MARCHF6: variants seen among roughly 807,000 people sequenced by gnomAD.
MARCHF6 encodes E3 ubiquitin-protein ligase MARCHF6.
A neutral mutation model predicts 133.7 loss-of-function variants in MARCHF6; 31 were observed. The ratio of observed to expected loss-of-function variants is 0.23; its 90% CI spans 0.17 to 0.31. The LOEUF is 0.31. Ranked by LOEUF, MARCHF6 falls within the 10% of genes least tolerant of loss-of-function variation. MARCHF6 has a pLI of 1.00. For synonymous variants in MARCHF6, 395 were observed against 402.5 expected, an observed-to-expected ratio of 0.98 and a Z score of 0.22; for missense variants, 723 against 1,121.6, an observed-to-expected ratio of 0.64 and a Z score of 5.08.
chr5:10,381,425 C>T (rs1737137283), intron 3 of MARCHF6, among the ~76,000 whole-genome samples: 1 of 152,152 alleles, frequency 6.6e-6, no homozygotes, highest in South Asian at 2.1e-4. Flanking sequence ...TCAGCTTCAT[C>T]TTTTGCTCCT....
chr5:10,405,563 T>C lies in MARCHF6; in HGVS notation c.1338T>C (p.Leu446=), dbSNP rs1454593344. The change falls in exon 16 of 26, where the codon CTT becomes CTC. Residue 446 remains leucine (L), a synonymous_variant. Transcript: ENST00000274140. The part of the protein sequence containing the change: ...ASFILLLREV[L]RPGVLWFLRN... ...TATTTAAAATATATTTGCAGGTACT[T>C]CGACCTGGTGTCCTGTGGTTTCTAA... is the stretch of plus-strand genomic sequence containing the variant. 64 of 1,596,336 alleles carry C rather than the reference T, an allele frequency of 4.0e-5. No homozygotes were observed. Among genetic ancestry groups the C allele is most frequent in the Non-Finnish European group, 5.3e-5 (62 of 1,174,874 alleles).
chr5:10,430,305 G>GTTT (rs576172086), intron 25 of MARCHF6, among the ~76,000 whole-genome samples: 101 of 133,500 alleles, frequency 7.6e-4, no homozygotes, highest in African/African-American at 1.6e-3. Context: ...TTTGGTGGTG[G>GTTT]TTTTTTTTTT....
chr5:10,370,367 T>G (rs956570057), intron 1 of MARCHF6, among the ~76,000 whole-genome samples: 2 of 152,096 alleles, frequency 1.3e-5, no homozygotes, highest in African/African-American at 2.4e-5. Context: ...CCTCCCAAAG[T>G]GCTGGGATTA....
chr5:10,417,380 G>C lies in MARCHF6; in HGVS notation c.2259G>C (p.Gln753His), dbSNP rs1007714001. Residue 753 changes from glutamine (Q) to histidine (H), a missense_variant, in exon 22 of 26, where the codon CAG (glutamine) becomes CAC (histidine). Physicochemically the swap from Gln to His is conservative, Grantham distance 24. Around this residue, in one of 4 missense-constraint regions of MARCHF6, gnomAD observed 492 missense variants for 699.5 expected, o/e 0.70. Transcript: ENST00000274140. The stretch of plus-strand genomic sequence containing the variant: ...CTCCCCTGAGGGTTCCCTTGGATCA[G>C]ACTCCTCTTTTTTATCCATGGCAGG... The part of the protein sequence containing the change: ...IVAPLRVPLD[Q>H]TPLFYPWQDW... 2 of 1,613,940 alleles carry C rather than the reference G, an allele frequency of 1.2e-6. No homozygotes were observed. The highest frequency in any genetic ancestry group is 1.7e-6 in the Non-Finnish European group (2 of 1,179,978).
chr5:10,379,521 C>T (rs925568620), intron 3 of MARCHF6, among the ~76,000 whole-genome samples: 6 of 151,524 alleles, frequency 4.0e-5, no homozygotes, highest in East Asian at 1.9e-4. Flanking sequence ...AGGGCAATGG[C>T]GTGATTTCAG....
chr5:10,422,337 G>T (rs1476585539), intron 22 of MARCHF6, among the ~76,000 whole-genome samples: 2 of 152,166 alleles, frequency 1.3e-5, no homozygotes. Flanking sequence ...ACAAAAACAG[G>T]AGAAAATTTA....
At chr5:10,394,621 G>A in intron 8 of MARCHF6, 132 bp from the exon 9 acceptor site, 2 of 640,500 alleles carry the variant, frequency 3.1e-6, no homozygotes, top group Non-Finnish European at 5.4e-6. Context: ...ATGATAGGAA[G>A]TATTGGAAAG....
At chr5:10,391,041 A>G (rs531108503) in intron 6 of MARCHF6, among the ~76,000 whole-genome samples, 14 of 152,344 alleles carry the variant, frequency 9.2e-5, no homozygotes, top group Middle Eastern at 3.4e-3. Context: ...ACTAAAATTG[A>G]TCCCACATCA....
At chr5:10,417,008 C>G (rs1396850931) in intron 21 of MARCHF6, among the ~76,000 whole-genome samples, 1 of 152,156 alleles carries the variant, frequency 6.6e-6, no homozygotes, top group Non-Finnish European at 1.5e-5. Context: ...GGGGCCTTGG[C>G]CAGTCGGTAG....
Position 10,353,711 on chromosome 5 carries a change from C to T in MARCHF6, c.-188C>T, listed in dbSNP as rs930474237. The T allele has an allele frequency of 8.1e-6, 4 of 493,264 alleles. No homozygotes were observed. The highest frequency in any genetic ancestry group is 2.1e-5 in the African/African-American group (1 of 48,172). 30.6% of individuals were successfully genotyped at this position (493,264 alleles called of 1,614,324 possible). A position where few individuals can be genotyped will look rare whatever the true frequency, so the allele number is the denominator to read the frequency against. ...CCCCTAGGTGTTCCCGCCCCTCCCC[C>T]TCCCGTGTCGCTCGCTTTCTGTCAG... On this transcript the variant is annotated 5_prime_UTR_variant, in exon 1 of 26. Coordinates refer to ENST00000274140, the MANE Select transcript of MARCHF6 (RefSeq NM_005885.4).
Position 10,411,435 on chromosome 5 carries a change from T to C in MARCHF6, c.1794T>C (p.Pro598=). Residue 598 remains proline, a synonymous_variant, in exon 19 of 26, where the codon CCT becomes CCC. Coordinates refer to ENST00000274140, the MANE Select transcript of MARCHF6 (RefSeq NM_005885.4). ...NQHARNNNAI[P]VVGEGLHAAH... is the part of the protein sequence containing the mutation. ...ATGCTCGAAATAACAACGCTATTCC[T>C]GTGGTGGGAGAAGGCCTTCATGCAG... 6.2e-7 allele frequency: 1 copy of C among 1,614,222 alleles called. No individual in the cohort carries two copies. Among genetic ancestry groups the C allele is most frequent in the Non-Finnish European group, 8.5e-7 (1 of 1,180,016 alleles).
intron 1 of MARCHF6, among the ~76,000 whole-genome samples, chr5:10,369,603 A>AACCCCCCCC (rs1736338293): frequency 3.8e-5 from 1 of 26,428 alleles, no homozygotes; most frequent in African/African-American, 9.1e-5. Context: ...TAGTTCCATT[A>AACCCCCCCC]CCCCCCCCCC....
At chr5:10,375,912 G>T (rs1410073278) in intron 1 of MARCHF6, among the ~76,000 whole-genome samples, 1 of 152,066 alleles carries the variant, frequency 6.6e-6, no homozygotes, top group East Asian at 1.9e-4. Context: ...GCTCTGGTGG[G>T]GCCTTGGAGA....
chr5:10,430,079 T>C (rs770012730), intron 25 of MARCHF6, 51 bp downstream of exon 25: 1 of 1,561,938 alleles, frequency 6.4e-7, no homozygotes, highest in South Asian at 1.1e-5. Flanking sequence ...CACTTCTTAA[T>C]TTATGTATCT....
intron 9 of MARCHF6, among the ~76,000 whole-genome samples, chr5:10,396,914 CATG>C (rs1738227385): frequency 6.6e-6 from 1 of 152,188 alleles, no homozygotes; most frequent in Non-Finnish European, 1.5e-5. Flanking sequence ...TTGACGTTAA[CATG>C]ATGTTTACAA....
At chr5:10,428,640 C>T (rs973299895) in intron 24 of MARCHF6, among the ~76,000 whole-genome samples, 5 of 152,120 alleles carry the variant, frequency 3.3e-5, no homozygotes, top group Non-Finnish European at 7.4e-5. Context: ...CCACACCCAG[C>T]GCATTGCTTA....
At chr5:10,412,360 G>T (rs996286677) in intron 19 of MARCHF6, among the ~76,000 whole-genome samples, 1 of 152,210 alleles carries the variant, frequency 6.6e-6, no homozygotes, top group African/African-American at 2.4e-5. Context: ...TCATGCTGGT[G>T]TTTACAGTGG....
chr5:10,385,555 A>G (rs1420317795), intron 4 of MARCHF6, among the ~76,000 whole-genome samples: 1 of 152,212 alleles, frequency 6.6e-6, no homozygotes, highest in African/African-American at 2.4e-5. Flanking sequence ...TTGCACTACT[A>G]CAAGAGATAA....
At position 10,387,046 on chromosome 5, in the gene MARCHF6, G is replaced by T. The variant is rs549776157; in HGVS notation, c.387G>T (p.Leu129=). ...GCTCCGTGAGCTCACTACTGACGCT[G>T]CCATTAGATATGCTGTCAACGTGAG... The part of the protein sequence containing the change: ...FTGSVSSLLT[L]PLDMLSTENL... Residue 129 remains leucine (L), a synonymous_variant, in exon 5 of 26, where the codon CTG becomes CTT. Coordinates refer to ENST00000274140, the MANE Select transcript of MARCHF6 (RefSeq NM_005885.4). The T allele has an allele frequency of 1.1e-5, 17 of 1,612,464 alleles. No individual in the cohort carries two copies. In the Admixed American group the frequency reaches 2.0e-4, roughly 19 times the overall value.
Sources: allele counts gnomAD v4.1 joint callset (sites outside exome capture counted in the v4.1 genomes callset), GRCh38; gene constraint gnomAD v4.1.1; regional missense constraint gnomAD v4.1.1; transcripts MANE v1.5; gene names NCBI Gene and HGNC (gene_info 2026-07-23, HGNC 2026-07-21).